Variants in FSIP1 observed in about 807,000 individuals in gnomAD.
FSIP1 encodes fibrous sheath interacting protein 1, also known as fibrous sheath-interacting protein 1.
In FSIP1, 65 loss-of-function variants were observed where a neutral mutation model predicts 60.9. The ratio of observed to expected loss-of-function variants is 1.07; its 90% confidence interval spans 0.87 to 1.31. The LOEUF is 1.31. Ranked by LOEUF, FSIP1 falls within the 40% of genes most tolerant of loss-of-function variation. The pLI is 0.00. For missense variants in FSIP1, 675 were observed against 665.5 expected (o/e 1.01, Z -0.16); for synonymous variants, 209 against 221.2 (o/e 0.94, Z 0.49).
At chr15:39,618,880 C>T (rs796427746) in intron 10 of FSIP1, among the ~76,000 whole-genome samples, 7 of 152,090 alleles carry the variant, frequency 4.6e-5, no homozygotes, top group African/African-American at 1.4e-4. Flanking sequence ...CAGCTGAATA[C>T]CATAACATTT....
chr15:39,724,735 G>T (rs1347735950), intron 9 of FSIP1, among the ~76,000 whole-genome samples: 2 of 152,130 alleles, frequency 1.3e-5, no homozygotes, highest in Non-Finnish European at 2.9e-5. Flanking sequence ...TCATTTGACA[G>T]CCATGAAACA....
chr15:39,624,689 A>G (rs1158866515), intron 10 of FSIP1, among the ~76,000 whole-genome samples: 1 of 152,072 alleles, frequency 6.6e-6, no homozygotes, highest in Non-Finnish European at 1.5e-5. Context: ...GGCTACCCCA[A>G]TCATATAAAG....
At chr15:39,755,408 G>C (rs553521077) in intron 5 of FSIP1, among the ~76,000 whole-genome samples, 41 of 152,244 alleles carry the variant, frequency 2.7e-4, no homozygotes, top group African/African-American at 7.7e-4. Flanking sequence ...CTACCCTGTA[G>C]ATTCATTTTC....
At chr15:39,726,083 C>A (rs910064909) in intron 9 of FSIP1, among the ~76,000 whole-genome samples, 2 of 152,108 alleles carry the variant, frequency 1.3e-5, no homozygotes, top group African/African-American at 4.8e-5. Flanking sequence ...TGAGCCACCG[C>A]ACCTGCTTTG....
intron 11 of FSIP1, among the ~76,000 whole-genome samples, chr15:39,603,587 G>A (rs561415828): frequency 6.6e-6 from 1 of 152,292 alleles, no homozygotes; most frequent in South Asian, 2.1e-4. Flanking sequence ...AAATATTAAC[G>A]AAGAAAGAGT....
At chr15:39,755,337 G>GCAGAGT (rs1454028032) in intron 5 of FSIP1, among the ~76,000 whole-genome samples, 1 of 152,122 alleles carries the variant, frequency 6.6e-6, no homozygotes, top group Non-Finnish European at 1.5e-5. Flanking sequence ...AGAGGCAGAG[G>GCAGAGT]ATGAATGAAC....
chr15:39,604,322 C>G (rs1259212296), intron 11 of FSIP1, among the ~76,000 whole-genome samples: 6 of 152,196 alleles, frequency 3.9e-5, no homozygotes. Flanking sequence ...TCTTCAGTAA[C>G]TTTTTACTTT....
intron 5 of FSIP1, among the ~76,000 whole-genome samples, chr15:39,750,412 A>G (rs1897128445): frequency 6.6e-6 from 1 of 152,106 alleles, no homozygotes; most frequent in Non-Finnish European, 1.5e-5. Flanking sequence ...TGTAATCAAA[A>G]CAGTATAATA....
chr15:39,778,830 TA>T (rs1566924525), intron 1 of FSIP1, among the ~76,000 whole-genome samples: 1 of 151,964 alleles, frequency 6.6e-6, no homozygotes, highest in African/African-American at 2.4e-5. Flanking sequence ...TTAATAAAAG[TA>T]AAAACTAATT....
intron 10 of FSIP1, among the ~76,000 whole-genome samples, chr15:39,690,315 G>C (rs1417243445): frequency 6.6e-6 from 1 of 152,156 alleles, no homozygotes; most frequent in Non-Finnish European, 1.5e-5. Flanking sequence ...GCAGCAGTGT[G>C]GAAATGGACT....
intron 8 of FSIP1, among the ~76,000 whole-genome samples, chr15:39,733,051 T>A (rs1223749793): frequency 6.6e-6 from 1 of 151,662 alleles, no homozygotes; most frequent in Non-Finnish European, 1.5e-5. Context: ...AGTGTAAATA[T>A]TTTTTTTTGA....
chr15:39,608,567 T>C (rs935237736), intron 11 of FSIP1, among the ~76,000 whole-genome samples: 4 of 152,184 alleles, frequency 2.6e-5, no homozygotes, highest in Non-Finnish European at 4.4e-5. Context: ...AGAAGGACAA[T>C]ATACTTCAAT....
chr15:39,630,865 G>A (rs1891855030), intron 10 of FSIP1, among the ~76,000 whole-genome samples: 1 of 152,200 alleles, frequency 6.6e-6, no homozygotes, highest in Non-Finnish European at 1.5e-5. Context: ...TCCGGCATCT[G>A]AAAATGTGAT....
intron 4 of FSIP1, among the ~76,000 whole-genome samples, chr15:39,765,241 CT>C (rs71132116): frequency 0.11 from 12,124 of 114,984 alleles, 534 homozygotes; most frequent in Admixed American, 0.24. Flanking sequence ...GAAATTCTTT[CT>C]TTTTTTTTTT....
chr15:39,768,279 T>C (rs1897760118), intron 3 of FSIP1, among the ~76,000 whole-genome samples: 1 of 152,230 alleles, frequency 6.6e-6, no homozygotes, highest in Non-Finnish European at 1.5e-5. Flanking sequence ...TGAGAGTTGA[T>C]CTCATCCCAA....
At chr15:39,634,591 C>G (rs1025977639) in intron 10 of FSIP1, among the ~76,000 whole-genome samples, 1 of 152,240 alleles carries the variant, frequency 6.6e-6, no homozygotes, top group African/African-American at 2.4e-5. Flanking sequence ...ATTTATCCAG[C>G]AATTTCATTT....
chr15:39,759,192 T>TA (rs1037636553), intron 5 of FSIP1, among the ~76,000 whole-genome samples: 23 of 150,494 alleles, frequency 1.5e-4, no homozygotes, highest in South Asian at 4.2e-4. Flanking sequence ...GTCACAAAAT[T>TA]AAAAAAAAAG....
At chr15:39,643,104 A>C (rs755754513) in intron 10 of FSIP1, among the ~76,000 whole-genome samples, 7 of 152,236 alleles carry the variant, frequency 4.6e-5, no homozygotes, top group Non-Finnish European at 1.0e-4. Flanking sequence ...CTGAGGTTAA[A>C]AATGTGGCCG....
chr15:39,780,262 G>A (rs533167590), intron 1 of FSIP1, among the ~76,000 whole-genome samples: 2 of 152,168 alleles, frequency 1.3e-5, no homozygotes, highest in Admixed American at 6.5e-5. Flanking sequence ...GGTGGCTCAC[G>A]CCTGTAATCC....
Sources: allele counts gnomAD v4.1 joint callset (sites outside exome capture counted in the v4.1 genomes callset), GRCh38; gene constraint gnomAD v4.1.1; transcripts MANE v1.5; gene names NCBI Gene and HGNC (gene_info 2026-07-23, HGNC 2026-07-21).